TBC1D5: variants seen among roughly 807,000 people sequenced by gnomAD.
TBC1D5 encodes the protein TBC1 domain family member 5, also known as TBC1 domain family, member 5.
Under a neutral mutation model 100.3 loss-of-function variants are expected in TBC1D5, and 75 were observed. The ratio of observed to expected loss-of-function variants is 0.75; its 90% confidence interval spans 0.62 to 0.91. TBC1D5 has a LOEUF of 0.91. Among genes scored for constraint, TBC1D5 ranks in the 40% least tolerant of loss-of-function variants. The pLI, the probability that TBC1D5 is intolerant of heterozygous loss-of-function variation, is 0.00. For missense variants in TBC1D5, 910 were observed against 942.4 expected, an observed-to-expected ratio of 0.97 and a Z score of 0.45; for synonymous variants, 323 against 325.6, an observed-to-expected ratio of 0.99 and a Z score of 0.09.
rs9856372 is a variant in TBC1D5 at position 17,317,597 on chromosome 3, T to C, written c.996-9463A>G. 1.1e-3 allele frequency among the ~76,000 whole-genome samples: 172 copies of C among 152,360 alleles called. 1 individual carries two copies. The highest frequency in any genetic ancestry group is 3.8e-3 in the African/African-American group (160 of 41,596). Reference sequence around the variant, plus strand: ...AATGCCCATACAACTTTACAATCAATTATATCTATGTGTATATAATATTTT... The same window carrying C: ...AATGCCCATACAACTTTACAATCAACTATATCTATGTGTATATAATATTTT... On this transcript the variant is annotated intron_variant, in intron 13 of 21. Coordinates refer to ENST00000253692, the Ensembl canonical transcript of TBC1D5.
At chr3:17,258,274 C>T (rs1288524521) in intron 16 of TBC1D5, among the ~76,000 whole-genome samples, 2 of 152,014 alleles carry the variant, frequency 1.3e-5, no homozygotes, top group Non-Finnish European at 2.9e-5. Context: ...ATGAAGTTGC[C>T]TAACTTCAAA....
intron 18 of TBC1D5, among the ~76,000 whole-genome samples, chr3:17,193,502 G>T (rs1418049542): frequency 6.6e-6 from 1 of 152,034 alleles, no homozygotes; most frequent in Non-Finnish European, 1.5e-5. Context: ...CGACATATGG[G>T]GTATGGATTA....
chr3:17,636,186 CAAGAAAAAA>C (rs2063907353), intron 1 of TBC1D5, among the ~76,000 whole-genome samples: 2 of 150,240 alleles, frequency 1.3e-5, no homozygotes. Flanking sequence ...AACTCCATAT[CAAGAAAAAA>C]AAGAATGTTT....
At chr3:17,490,253 A>T (rs1275136778) in intron 3 of TBC1D5, among the ~76,000 whole-genome samples, 3 of 152,178 alleles carry the variant, frequency 2.0e-5, no homozygotes, top group Admixed American at 2.0e-4. Context: ...GACCTTTGTC[A>T]GATGGAGATA....
intron 2 of TBC1D5, among the ~76,000 whole-genome samples, chr3:17,563,691 C>G (rs1344627928): frequency 6.6e-6 from 1 of 152,140 alleles, no homozygotes; most frequent in African/African-American, 2.4e-5. Flanking sequence ...AAAAAGGAGT[C>G]TGGAAGGACA....
At chr3:17,388,682 T>C (rs2093250705) in intron 8 of TBC1D5, among the ~76,000 whole-genome samples, 3 of 104,534 alleles carry the variant, frequency 2.9e-5, no homozygotes, top group Non-Finnish European at 5.8e-5. Flanking sequence ...GACCCTGCCT[T>C]TACAAAAAAA....
chr3:17,348,141 A>G (rs1394406997), intron 13 of TBC1D5, among the ~76,000 whole-genome samples: 1 of 152,256 alleles, frequency 6.6e-6, no homozygotes, highest in East Asian at 1.9e-4. Context: ...TAATTAATTT[A>G]TTCCAAAATA....
intron 2 of TBC1D5, among the ~76,000 whole-genome samples, chr3:17,522,108 GAGAT>G (rs1047184811): frequency 6.6e-5 from 10 of 151,968 alleles, no homozygotes; most frequent in African/African-American, 2.4e-4. Context: ...CTTTATAAAA[GAGAT>G]AGTAAAAAAT....
intron 2 of TBC1D5, among the ~76,000 whole-genome samples, chr3:17,577,523 T>C (rs1462973517): frequency 4.6e-5 from 7 of 151,930 alleles, no homozygotes; most frequent in Non-Finnish European, 7.4e-5. Flanking sequence ...TAAAAACTTA[T>C]CTGAACAAAT....
intron 1 of TBC1D5, among the ~76,000 whole-genome samples, chr3:17,640,207 C>T (rs1372719613): frequency 2.0e-5 from 3 of 152,140 alleles, no homozygotes; most frequent in Non-Finnish European, 1.5e-5. Context: ...AGAGCTAGAA[C>T]ATTCTTATTA....
At chr3:17,346,395 T>C (rs1460019334) in intron 13 of TBC1D5, among the ~76,000 whole-genome samples, 2 of 152,164 alleles carry the variant, frequency 1.3e-5, no homozygotes, top group Non-Finnish European at 2.9e-5. Flanking sequence ...TACATACACA[T>C]ACATCTAAAA....
chr3:17,406,333 C>A (rs1221925019), intron 5 of TBC1D5, 85 bp downstream of exon 5: 2 of 1,178,770 alleles, frequency 1.7e-6, no homozygotes, highest in Admixed American at 2.4e-5. Context: ...ATTCAGTGAT[C>A]CCCTGCATGG....
At chr3:17,433,123 G>T (rs960065081) in intron 3 of TBC1D5, among the ~76,000 whole-genome samples, 1 of 152,062 alleles carries the variant, frequency 6.6e-6, no homozygotes, top group Non-Finnish European at 1.5e-5. Context: ...GAAGGGAAGA[G>T]GGTACCATGT....
intron 16 of TBC1D5, among the ~76,000 whole-genome samples, chr3:17,243,597 T>C (rs569854766): frequency 2.6e-4 from 39 of 152,278 alleles, no homozygotes; most frequent in African/African-American, 8.7e-4. Context: ...CATGAAAGAT[T>C]AAACAAAATT....
chr3:17,643,589 T>C (rs1017312876), intron 1 of TBC1D5, among the ~76,000 whole-genome samples: 1 of 152,148 alleles, frequency 6.6e-6, no homozygotes, highest in African/African-American at 2.4e-5. Flanking sequence ...TTTAAAAGAA[T>C]GGTTTTTAAA....
chr3:17,456,983 A>T (rs1167763710), intron 3 of TBC1D5, among the ~76,000 whole-genome samples: 1 of 152,140 alleles, frequency 6.6e-6, no homozygotes, highest in East Asian at 1.9e-4. Flanking sequence ...GTTTTATGGG[A>T]CTAACAGTGA....
intron 1 of TBC1D5, chr3:17,663,222 G>A (rs1398327064): frequency 6.6e-6 from 1 of 151,522 alleles, no homozygotes; most frequent in Non-Finnish European, 1.5e-5. Flanking sequence ...AAATACTAAA[G>A]ATGAAAATTT....
chr3:17,436,793 G>GAT (rs2094544011), intron 3 of TBC1D5, among the ~76,000 whole-genome samples: 1 of 152,150 alleles, frequency 6.6e-6, no homozygotes, highest in Non-Finnish European at 1.5e-5. Flanking sequence ...TAACATGTAT[G>GAT]ATAGTACATA....
At chr3:17,428,597 C>G in intron 3 of TBC1D5, 78 bp from the exon 4 acceptor site, 3 of 658,926 alleles carry the variant, frequency 4.6e-6, no homozygotes, top group Non-Finnish European at 6.8e-6. Flanking sequence ...GAAAGCTCTA[C>G]GCAATATATT....
Sources: gnomAD v4.1 joint callset for allele counts (sites outside exome capture counted in the v4.1 genomes callset) on GRCh38, gnomAD v4.1.1 for gene constraint, MANE v1.5 for transcripts, NCBI Gene and HGNC (gene_info 2026-07-23, HGNC 2026-07-21) for gene names.